The following GTPBP4 variants were observed in gnomAD, a reference collection of about 807,000 sequenced individuals.
The protein encoded by GTPBP4 is GTP-binding protein 4.
A neutral mutation model predicts 81.7 loss-of-function variants in GTPBP4; 15 were observed. That is an observed-to-expected ratio of 0.18 (90% CI 0.12 to 0.28). GTPBP4 has a LOEUF of 0.28. Ranked by LOEUF, GTPBP4 falls within the 10% of genes least tolerant of loss-of-function variation. GTPBP4 has a pLI of 1.00. For missense variants in GTPBP4, 847 were observed against 793.8 expected (o/e 1.07, Z -0.81); for synonymous variants, 272 against 274.6 (o/e 0.99, Z 0.09).
intron 13 of GTPBP4, among the ~76,000 whole-genome samples, chr10:1,010,798 A>T (rs1218352239): frequency 1.6e-5 from 2 of 122,130 alleles, no homozygotes; most frequent in African/African-American, 6.5e-5. Flanking sequence ...GTTATCCTGC[A>T]CCCCTCCATC....
chr10:1,019,479 G>C lies in GTPBP4; in HGVS notation c.*2252G>C. The C allele has an allele frequency of 6.5e-7, 1 of 1,546,128 alleles. No homozygotes were observed. Among genetic ancestry groups the C allele is most frequent in the South Asian group, 1.2e-5 (1 of 83,900 alleles). On this transcript the variant is annotated 3_prime_UTR_variant, in exon 17 of 17. Transcript: ENST00000360803. The stretch of plus-strand genomic sequence containing the variant: ...CCTCAATGGTGCGTCTGCCTGCACT[G>C]AGGGCATTACACATGGCTGACTCGA...
intron 8 of GTPBP4, among the ~76,000 whole-genome samples, chr10:1,001,770 A>G (rs892925346): frequency 1.7e-4 from 25 of 151,362 alleles, no homozygotes; most frequent in Non-Finnish European, 3.2e-4. Flanking sequence ...GATACTTGGC[A>G]ATTTTTAAAA....
At chr10:1,016,340 TG>T (rs1185297107) in intron 16 of GTPBP4, among the ~76,000 whole-genome samples, 1 of 152,250 alleles carries the variant, frequency 6.6e-6, no homozygotes, top group Non-Finnish European at 1.5e-5. Context: ...GTGGAGAGCT[TG>T]AGTCACATTT....
intron 12 of GTPBP4, among the ~76,000 whole-genome samples, chr10:1,009,824 G>A (rs1191215117): frequency 5.3e-5 from 8 of 152,118 alleles, no homozygotes; most frequent in South Asian, 2.1e-4. Flanking sequence ...GCAGAACCCC[G>A]TCTCTACAAA....
chr10:1,013,436 C>T (rs1006885093), intron 14 of GTPBP4, among the ~76,000 whole-genome samples: 1 of 151,532 alleles, frequency 6.6e-6, no homozygotes, highest in South Asian at 2.1e-4. Flanking sequence ...AGTGAAACCC[C>T]GTCTCTACTA....
At chr10:1,014,882 A>T (rs1176596704) in intron 15 of GTPBP4, among the ~76,000 whole-genome samples, 1 of 151,484 alleles carries the variant, frequency 6.6e-6, no homozygotes, top group Non-Finnish European at 1.5e-5. Context: ...TGTCTCAAAA[A>T]AAAAAAAGCT....
At chr10:1,005,967 A>G (rs925769231) in intron 9 of GTPBP4, 60 bp downstream of exon 9, 7 of 837,398 alleles carry the variant, frequency 8.4e-6, no homozygotes, top group Non-Finnish European at 1.3e-5. Context: ...GATTCAAGTC[A>G]GTTGTGGGGA....
At chr10:1,010,250 G>A (rs1227903857) in intron 12 of GTPBP4, among the ~76,000 whole-genome samples, 170 bp from the exon 13 acceptor site, 1 of 151,898 alleles carries the variant, frequency 6.6e-6, no homozygotes, top group Non-Finnish European at 1.5e-5. Context: ...TCCACGTGTG[G>A]GTGTTGAATG....
At chr10:991,689 C>CTTTTTTTTTTTTTTTTTTTTTTTTTT (rs778451253) in intron 1 of GTPBP4, among the ~76,000 whole-genome samples, 1 of 74,818 alleles carries the variant, frequency 1.3e-5, no homozygotes. Flanking sequence ...TAAAATTTAT[C>CTTTTTTTTTTTTTTTTTTTTTTTTTT]TTTTTTTTTT....
At chr10:992,232 C>G (rs1044421224) in intron 1 of GTPBP4, among the ~76,000 whole-genome samples, 2 of 151,144 alleles carry the variant, frequency 1.3e-5, no homozygotes, top group African/African-American at 4.9e-5. Context: ...AACCCCATCT[C>G]TACTAAAAAT....
chr10:1,014,680 C>T (rs942043135), intron 15 of GTPBP4, among the ~76,000 whole-genome samples: 1 of 151,924 alleles, frequency 6.6e-6, no homozygotes, highest in African/African-American at 2.4e-5. Context: ...AGAAAGAAAC[C>T]AGGGTTTTGG....
At chr10:1,008,100 A>G (rs765086115) in intron 10 of GTPBP4, 2 of 455,150 alleles carry the variant, frequency 4.4e-6, no homozygotes, top group South Asian at 1.5e-5. Context: ...CTTACCATTC[A>G]TTCCAAAGTC....
chr10:1,008,217 A>G (rs1440088150), intron 10 of GTPBP4: 4 of 440,102 alleles, frequency 9.1e-6, no homozygotes, highest in Non-Finnish European at 1.8e-5. Flanking sequence ...GTCTGAGACC[A>G]GCCTGGCAAT....
At chr10:994,256 T>TTTTGTTTGTTTG (rs144764762) in intron 2 of GTPBP4, among the ~76,000 whole-genome samples, 1 of 150,364 alleles carries the variant, frequency 6.7e-6, no homozygotes, top group Non-Finnish European at 1.5e-5. Context: ...AGAATGAGAT[T>TTTTGTTTGTTTG]TTTGTTTGTT....
chr10:990,018 T>A (rs1342748959), intron 1 of GTPBP4, among the ~76,000 whole-genome samples: 1 of 152,198 alleles, frequency 6.6e-6, no homozygotes, highest in African/African-American at 2.4e-5. Context: ...ATTACAGGCA[T>A]GAGCTACTGT....
At position 996,047 on chromosome 10, in the gene GTPBP4, TC is replaced by T; in HGVS notation, c.323+16del. On this transcript the variant is annotated intron_variant, in intron 3 of 16. Transcript: ENST00000360803. ...TTAGTGGACAAGTAAGGTACTTTTT[TC>T]TGTAGTGTCTTTTAAGTTATCGAAA... is the stretch of plus-strand genomic sequence containing the variant. 1 of 1,588,882 alleles carries T rather than the reference TC, an allele frequency of 6.3e-7. No homozygotes were observed. The highest frequency in any genetic ancestry group is 8.6e-7 in the Non-Finnish European group (1 of 1,158,268).
chr10:993,163 A>C (rs562936412), intron 2 of GTPBP4, among the ~76,000 whole-genome samples: 1 of 152,294 alleles, frequency 6.6e-6, no homozygotes, highest in South Asian at 2.1e-4. Context: ...TTCTTTGGCA[A>C]GGAGAGATCA....
At position 1,017,447 on chromosome 10, in the gene GTPBP4, A is replaced by G. The variant is rs1391450679; in HGVS notation, c.*220A>G. 1 of 399,722 alleles carries G rather than the reference A, an allele frequency of 2.5e-6. No homozygotes were observed. The highest frequency in any genetic ancestry group is 4.4e-6 in the Non-Finnish European group (1 of 225,350). 24.8% of individuals were successfully genotyped at this position (399,722 alleles called of 1,614,324 possible). On this transcript the variant is annotated 3_prime_UTR_variant, in exon 17 of 17. Transcript: ENST00000360803. ...TATTTTGAGTAGACAGTGTTTCCAC[A>G]TTTAATGGAGTATCAGTTGCTTCAG...
intron 2 of GTPBP4, among the ~76,000 whole-genome samples, chr10:993,309 G>A (rs1564465358): frequency 6.6e-6 from 1 of 152,122 alleles, no homozygotes; most frequent in Non-Finnish European, 1.5e-5. Flanking sequence ...CTGGAGTGCA[G>A]TGGCGTGATC....
Sources: gnomAD v4.1 joint callset for allele counts (sites outside exome capture counted in the v4.1 genomes callset) on GRCh38, gnomAD v4.1.1 for gene constraint, MANE v1.5 for transcripts, NCBI Gene and HGNC (gene_info 2026-07-23, HGNC 2026-07-21) for gene names.